Variants in OLFML2B observed in about 807,000 individuals in gnomAD.
The protein encoded by OLFML2B is olfactomedin-like protein 2B.
OLFML2B carries 57 observed loss-of-function variants against 74.9 expected under a neutral mutation model. The observed-to-expected ratio is 0.76, with a 90% CI of 0.61 to 0.95. OLFML2B has a LOEUF of 0.95. Among genes scored for constraint, OLFML2B ranks in the 40% least tolerant of loss-of-function variants. The probability of loss-of-function intolerance (pLI) is 0.00; values close to 1 mark genes in which losing one functional copy is unlikely to be tolerated. For synonymous variants in OLFML2B, 388 were observed against 405.8 expected (o/e 0.96, Z 0.53); for missense variants, 986 against 970.6 (o/e 1.02, Z -0.21).
At position 161,998,136 on chromosome 1, in the gene OLFML2B, T is replaced by C; in HGVS notation, c.1163A>G (p.His388Arg). Residue 388 changes from histidine to arginine, a missense_variant, in exon 6 of 8, where the codon CAT becomes CGT. By Grantham distance (29) the His-to-Arg change is conservative. Coordinates refer to ENST00000294794, the MANE Select transcript of OLFML2B (RefSeq NM_015441.3). ...TTGGAGTGTTGGTCCCACTGAGGCATGGTTGGCGATGCTGGGATCTGAGGT... is the reference window on the plus strand; with the variant it reads ...TTGGAGTGTTGGTCCCACTGAGGCACGGTTGGCGATGCTGGGATCTGAGGT... ...PSTSDPSIAN[H>R]ASVGPTLQTT... 1.2e-6 allele frequency: 2 copies of C among 1,613,986 alleles called. No homozygotes were observed. Among genetic ancestry groups the C allele is most frequent in the Non-Finnish European group, 8.5e-7 (1 of 1,180,006 alleles).
Position 162,023,638 on chromosome 1 carries a change from T to C in OLFML2B, c.-208A>G, listed in dbSNP as rs1690805202. 1.8e-5 allele frequency: 7 copies of C among 399,410 alleles called. No individual in the cohort carries two copies. Among genetic ancestry groups the C allele is most frequent in the Non-Finnish European group, 3.1e-5 (7 of 228,492 alleles). 24.7% of individuals were successfully genotyped at this position (399,410 alleles called of 1,614,324 possible). On this transcript the variant is annotated 5_prime_UTR_variant, in exon 1 of 8. Transcript: ENST00000294794. ...CTTCCCGACGCGAGCAGCCCTCGAC[T>C]GTGCAGCCCCAGTGGAGAGCCGGAC...
At position 162,017,477 on chromosome 1, in the gene OLFML2B, C is replaced by T. The variant is rs1272679187; in HGVS notation, c.469G>A (p.Ala157Thr). 1.2e-6 allele frequency: 2 copies of T among 1,613,224 alleles called. No individual in the cohort carries two copies. Among genetic ancestry groups the T allele is most frequent in the Non-Finnish European group, 1.7e-6 (2 of 1,179,724 alleles). ...TTCAGGAGATCCAGGCCATAGAACG[C>T]TCCTTCCAACATGTCTATGATTGTG... The part of the protein sequence containing the change: ...LSTIIDMLEG[A>T]FYGLDLLKLH... Residue 157 changes from alanine to threonine, a missense_variant, in exon 3 of 8, where the codon GCG becomes ACG. Coordinates refer to ENST00000294794, the MANE Select transcript of OLFML2B (RefSeq NM_015441.3).
At chr1:162,020,218 C>T in intron 1 of OLFML2B, 36 bp from the exon 2 acceptor site, 1 of 1,605,666 alleles carries the variant, frequency 6.2e-7, no homozygotes, top group Non-Finnish European at 8.5e-7. Context: ...GGCATGCAAA[C>T]ACAGGTGTCA....
chr1:162,017,999 G>C (rs139930388), intron 2 of OLFML2B, among the ~76,000 whole-genome samples: 151 of 152,296 alleles, frequency 9.9e-4, no homozygotes, highest in African/African-American at 3.5e-3. Context: ...GATGGAGCTG[G>C]AGGCCATTAT....
At chr1:161,993,942 G>A (rs979696853) in intron 6 of OLFML2B, among the ~76,000 whole-genome samples, 13 of 152,188 alleles carry the variant, frequency 8.5e-5, no homozygotes, top group East Asian at 1.9e-4. Context: ...CTTTGCAGCC[G>A]AGCACGCTGT....
chr1:161,987,383 T>C (rs1056337391), intron 6 of OLFML2B, among the ~76,000 whole-genome samples: 1 of 152,214 alleles, frequency 6.6e-6, no homozygotes, highest in African/African-American at 2.4e-5. Flanking sequence ...CTGGACTATC[T>C]GGGTGGTCCT....
intron 3 of OLFML2B, among the ~76,000 whole-genome samples, chr1:162,009,686 C>T (rs1206728832): frequency 3.9e-5 from 6 of 152,198 alleles, no homozygotes; most frequent in Admixed American, 6.5e-5. Flanking sequence ...CTGGCGGTGG[C>T]ATCACCCCAT....
chr1:162,022,181 C>CT (rs1210017388), intron 1 of OLFML2B, among the ~76,000 whole-genome samples: 1 of 151,814 alleles, frequency 6.6e-6, no homozygotes, highest in Non-Finnish European at 1.5e-5. Flanking sequence ...AGAACTACCC[C>CT]TTACAGACAT....
intron 6 of OLFML2B, 59 bp from the exon 7 acceptor site, chr1:161,985,039 A>C: frequency 1.3e-6 from 2 of 1,502,220 alleles, no homozygotes; most frequent in Non-Finnish European, 1.8e-6. Context: ...TCACCCCTTA[A>C]ACCTTTGCTG....
At chr1:162,009,707 G>T (rs1325174033) in intron 3 of OLFML2B, among the ~76,000 whole-genome samples, 1 of 152,194 alleles carries the variant, frequency 6.6e-6, no homozygotes, top group Non-Finnish European at 1.5e-5. Flanking sequence ...TGGCCTGCAG[G>T]GCTCAGCCAG....
intron 3 of OLFML2B, among the ~76,000 whole-genome samples, chr1:162,014,775 T>A (rs889374185): frequency 6.6e-6 from 1 of 152,178 alleles, no homozygotes; most frequent in African/African-American, 2.4e-5. Flanking sequence ...CAGCACCCTA[T>A]CACCTTAGGC....
chr1:161,984,827 C>A lies in OLFML2B; in HGVS notation c.1628G>T (p.Arg543Leu), dbSNP rs760459342. The A allele has an allele frequency of 1.2e-6, 2 of 1,613,362 alleles. No individual in the cohort carries two copies. Among genetic ancestry groups the A allele is most frequent in the Non-Finnish European group, 8.5e-7 (1 of 1,179,844 alleles). The change falls in exon 7 of 8, where the codon CGG (arginine) becomes CTG (leucine). Residue 543 changes from arginine (R) to leucine (L), a missense_variant. By Grantham distance (102) the Arg-to-Leu change is moderately radical. Coordinates refer to ENST00000294794, the MANE Select transcript of OLFML2B (RefSeq NM_015441.3). ...ACCTTGTTTGAAGTTCTCCAGGTTC[C>A]GGAACTCTACCAGGGTGTTGCCGTA... is the stretch of plus-strand genomic sequence containing the variant. ...YYYGNTLVEF[R>L]NLENFKQGRW...
intron 1 of OLFML2B, among the ~76,000 whole-genome samples, chr1:162,020,829 A>C (rs977502580): frequency 6.6e-6 from 1 of 152,196 alleles, no homozygotes; most frequent in African/African-American, 2.4e-5. Flanking sequence ...TCCAGGTTTA[A>C]GTGTAAAAAG....
At chr1:162,019,850 G>A (rs1690645488) in intron 2 of OLFML2B, 69 bp downstream of exon 2, 1 of 1,560,224 alleles carries the variant, frequency 6.4e-7, no homozygotes, top group South Asian at 1.2e-5. Flanking sequence ...CTTCAACCAT[G>A]GCCTTACCAG....
chr1:161,985,811 A>T (rs1689578223), intron 6 of OLFML2B, among the ~76,000 whole-genome samples: 1 of 152,182 alleles, frequency 6.6e-6, no homozygotes, highest in African/African-American at 2.4e-5. Flanking sequence ...GACTCTGGGT[A>T]TAGAAGCCTC....
chr1:162,019,825 C>T (rs1246948734), intron 2 of OLFML2B, 94 bp downstream of exon 2: 1 of 1,479,646 alleles, frequency 6.8e-7, no homozygotes, highest in Non-Finnish European at 9.1e-7. Context: ...TGACCTTCTT[C>T]AAAGGGCTTA....
intron 6 of OLFML2B, among the ~76,000 whole-genome samples, chr1:161,992,412 C>T (rs539232322): frequency 4.6e-5 from 7 of 152,362 alleles, no homozygotes; most frequent in Non-Finnish European, 1.0e-4. Context: ...GCTTATCATT[C>T]ATGTGTTTAC....
chr1:162,021,833 A>G (rs895948226), intron 1 of OLFML2B, among the ~76,000 whole-genome samples: 1 of 150,562 alleles, frequency 6.6e-6, no homozygotes, highest in African/African-American at 2.4e-5. Flanking sequence ...GGGTTTCAGG[A>G]AAGTTTTTGT....
chr1:162,006,229 A>G (rs1690225257), intron 4 of OLFML2B, 68 bp downstream of exon 4: 1 of 1,435,186 alleles, frequency 7.0e-7, no homozygotes, highest in Non-Finnish European at 9.3e-7. Context: ...AGTTCTATGC[A>G]GAGGAGAGAT....
Sources: gnomAD v4.1 joint callset for allele counts (sites outside exome capture counted in the v4.1 genomes callset) on GRCh38, gnomAD v4.1.1 for gene constraint, MANE v1.5 for transcripts, NCBI Gene and HGNC (gene_info 2026-07-23, HGNC 2026-07-21) for gene names.